TBC1D22A: variants seen among roughly 807,000 people sequenced by gnomAD.
TBC1D22A encodes TBC1 domain family member 22A, also known as putative GTPase activator.
Under a neutral mutation model 60.2 loss-of-function variants are expected in TBC1D22A, and 38 were observed. That is an observed-to-expected ratio of 0.63 (90% CI 0.49 to 0.83). TBC1D22A has a LOEUF of 0.83. TBC1D22A is among the 40% of genes least tolerant of loss of function. TBC1D22A has a pLI of 0.00. For synonymous variants in TBC1D22A, 302 were observed against 281.7 expected, an observed-to-expected ratio of 1.07 and a Z score of -0.72; for missense variants, 628 against 701.0, an observed-to-expected ratio of 0.90 and a Z score of 1.18.
intron 9 of TBC1D22A, among the ~76,000 whole-genome samples, chr22:46,987,547 T>C (rs973294329): frequency 6.6e-6 from 1 of 152,218 alleles, no homozygotes; most frequent in Non-Finnish European, 1.5e-5. Context: ...CCACACAAGT[T>C]TTTTGCTTTC....
chr22:46,813,047 C>T (rs1330643728), intron 4 of TBC1D22A, among the ~76,000 whole-genome samples: 2 of 152,316 alleles, frequency 1.3e-5, no homozygotes, highest in African/African-American at 2.4e-5. Flanking sequence ...CAGGCGGCTC[C>T]GCAGGTCTTT....
At chr22:46,950,047 G>A (rs1344073734) in intron 8 of TBC1D22A, among the ~76,000 whole-genome samples, 4 of 152,242 alleles carry the variant, frequency 2.6e-5, no homozygotes, top group East Asian at 1.9e-4. Context: ...CCTTGGGAAC[G>A]TACTGAGACT....
intron 7 of TBC1D22A, among the ~76,000 whole-genome samples, chr22:46,904,095 A>AAATCAATCAATC (rs879270620): frequency 5.6e-5 from 7 of 125,730 alleles, no homozygotes; most frequent in African/African-American, 2.3e-4. Flanking sequence ...TATCTAAATA[A>AAATCAATCAATC]AATCTATCTA....
At position 47,102,748 on chromosome 22, in the gene TBC1D22A, T is replaced by G. The variant is rs1250669037; in HGVS notation, c.1330-8760T>G. Among the ~76,000 whole-genome samples, 141 of 152,208 alleles carry G rather than the reference T, an allele frequency of 9.3e-4. 2 individuals are homozygous for G. The highest frequency in any genetic ancestry group is 2.1e-4 in the Non-Finnish European group (14 of 68,014). Reference sequence around the variant, plus strand: ...AGAATTTACAGTCCAGCCTTACTAATTCAGAGTAGGATTGGGTAGGAGGGC... The same window carrying G: ...AGAATTTACAGTCCAGCCTTACTAAGTCAGAGTAGGATTGGGTAGGAGGGC... On this transcript the variant is annotated intron_variant, in intron 11 of 12. Coordinates refer to ENST00000337137, the MANE Select transcript of TBC1D22A (RefSeq NM_014346.5).
chr22:47,124,419 G>T (rs1035583042), intron 12 of TBC1D22A, among the ~76,000 whole-genome samples: 2 of 152,200 alleles, frequency 1.3e-5, no homozygotes, highest in African/African-American at 2.4e-5. Context: ...GGCTGCCCAC[G>T]CCAGGCCCTC....
intron 12 of TBC1D22A, among the ~76,000 whole-genome samples, chr22:47,160,890 C>A (rs1300456594): frequency 6.6e-6 from 1 of 152,164 alleles, no homozygotes; most frequent in East Asian, 1.9e-4. Flanking sequence ...GCTGTGGAGC[C>A]CAGCAAGCCC....
At chr22:47,044,980 C>T (rs1374804515) in intron 11 of TBC1D22A, among the ~76,000 whole-genome samples, 2 of 152,316 alleles carry the variant, frequency 1.3e-5, no homozygotes, top group East Asian at 1.9e-4. Flanking sequence ...GCCCTGAGGT[C>T]TGGTCTGGGC....
chr22:46,930,600 CG>C (rs2071302031), intron 8 of TBC1D22A, among the ~76,000 whole-genome samples: 1 of 150,408 alleles, frequency 6.6e-6, no homozygotes, highest in Admixed American at 6.7e-5. Context: ...GGACTACGGG[CG>C]CCCACCACCA....
intron 8 of TBC1D22A, chr22:46,916,176 A>G (rs762208816): frequency 2.0e-4 from 71 of 347,384 alleles, no homozygotes; most frequent in Non-Finnish European, 3.6e-4. Flanking sequence ...GTTGACACAC[A>G]GGACCTGGTC....
At chr22:46,801,323 A>C (rs1403781563) in intron 4 of TBC1D22A, among the ~76,000 whole-genome samples, 1 of 152,238 alleles carries the variant, frequency 6.6e-6, no homozygotes, top group African/African-American at 2.4e-5. Flanking sequence ...TACATGAAAG[A>C]CGTAAGTGGC....
intron 10 of TBC1D22A, among the ~76,000 whole-genome samples, chr22:47,021,317 C>T (rs374590494): frequency 7.0e-6 from 1 of 143,496 alleles, no homozygotes; most frequent in East Asian, 2.1e-4. Flanking sequence ...AGCAGAACCC[C>T]ACCTGTAGCC....
chr22:46,801,893 T>C lies in TBC1D22A; in HGVS notation c.637+4273T>C, dbSNP rs539061795. On this transcript the variant is annotated intron_variant, in intron 4 of 12. Transcript: ENST00000337137. ...GGGTGTTTTGGGGGTTGGGAGGGCA[T>C]GAACAGAAGTTTGGAGCCGTACACC... 6.6e-5 allele frequency among the ~76,000 whole-genome samples: 10 copies of C among 152,288 alleles called. No homozygotes were observed. The East Asian group carries it at 1.7e-3, about 26-fold the overall frequency.
chr22:46,811,180 A>G (rs2085361777), intron 4 of TBC1D22A, among the ~76,000 whole-genome samples: 1 of 152,208 alleles, frequency 6.6e-6, no homozygotes. Context: ...TGACTGGGCC[A>G]TGTGGACAGG....
chr22:46,994,022 G>A (rs528893048), intron 9 of TBC1D22A, among the ~76,000 whole-genome samples: 1 of 152,226 alleles, frequency 6.6e-6, no homozygotes, highest in Non-Finnish European at 1.5e-5. Flanking sequence ...CCAGAATGCC[G>A]AGGCCATAGC....
intron 8 of TBC1D22A, chr22:46,914,480 A>G (rs1483682338): frequency 6.6e-6 from 1 of 150,860 alleles, no homozygotes; most frequent in African/African-American, 2.4e-5. Flanking sequence ...TTCACATGTG[A>G]TTATTGCATT....
intron 4 of TBC1D22A, among the ~76,000 whole-genome samples, chr22:46,805,437 A>G (rs1345206322): frequency 3.9e-5 from 6 of 152,246 alleles, no homozygotes; most frequent in African/African-American, 7.2e-5. Context: ...GGAGGCAGGT[A>G]GCTGTTGGCA....
At chr22:46,806,495 A>G (rs575832945) in intron 4 of TBC1D22A, among the ~76,000 whole-genome samples, 1 of 150,454 alleles carries the variant, frequency 6.6e-6, no homozygotes, top group Non-Finnish European at 1.5e-5. Flanking sequence ...TTTAAAAAAT[A>G]TTTAAAAATT....
chr22:46,910,780 AG>A (rs1345596613), intron 7 of TBC1D22A, among the ~76,000 whole-genome samples: 1 of 152,068 alleles, frequency 6.6e-6, no homozygotes, highest in Non-Finnish European at 1.5e-5. Flanking sequence ...GTCGAGACCC[AG>A]GGTGCGGGAG....
At chr22:47,012,320 C>A (rs1005932324) in intron 10 of TBC1D22A, among the ~76,000 whole-genome samples, 2 of 152,126 alleles carry the variant, frequency 1.3e-5, no homozygotes, top group African/African-American at 4.8e-5. Context: ...GGCTCACATC[C>A]CCCCAGCCCT....
Sources: gnomAD v4.1 joint callset for allele counts (sites outside exome capture counted in the v4.1 genomes callset) on GRCh38, gnomAD v4.1.1 for gene constraint, MANE v1.5 for transcripts, NCBI Gene and HGNC (gene_info 2026-07-23, HGNC 2026-07-21) for gene names.